Variants in SH3PXD2A observed in about 807,000 individuals in gnomAD.
SH3PXD2A encodes SH3 and PX domain-containing protein 2A.
In SH3PXD2A, 32 loss-of-function variants were observed where a neutral mutation model predicts 115.2. That is an observed-to-expected ratio of 0.28 (90% CI 0.21 to 0.37). The LOEUF is 0.37. Among genes scored for constraint, SH3PXD2A ranks in the 10% least tolerant of loss-of-function variants. The pLI is 1.00. For synonymous variants in SH3PXD2A, 610 were observed against 629.1 expected (o/e 0.97, Z 0.45); for missense variants, 1,328 against 1,498.7 (o/e 0.89, Z 1.88).
chr10:103,828,406 G>C (rs970987966), intron 1 of SH3PXD2A, among the ~76,000 whole-genome samples: 3 of 152,156 alleles, frequency 2.0e-5, no homozygotes, highest in Admixed American at 6.5e-5. Context: ...CTCAGAATTT[G>C]GTCAGCTTGG....
chr10:103,772,748 C>T (rs955775591), intron 2 of SH3PXD2A, among the ~76,000 whole-genome samples: 4 of 152,184 alleles, frequency 2.6e-5, no homozygotes, highest in African/African-American at 7.2e-5. Context: ...AGCTGGGGCA[C>T]ATCTGTAACC....
chr10:103,628,950 G>A (rs572410424), intron 8 of SH3PXD2A, among the ~76,000 whole-genome samples: 3 of 152,202 alleles, frequency 2.0e-5, no homozygotes, highest in Non-Finnish European at 4.4e-5. Flanking sequence ...TCATAAACAC[G>A]TACATAGGTG....
At chr10:103,617,113 A>C in intron 11 of SH3PXD2A, 84 bp downstream of exon 11, 1 of 874,488 alleles carries the variant, frequency 1.1e-6, no homozygotes, top group Non-Finnish European at 1.9e-6. Flanking sequence ...TCTACCTGCC[A>C]TCAGGTGGCC....
chr10:103,691,681 T>G (rs1358021108), intron 6 of SH3PXD2A, among the ~76,000 whole-genome samples: 1 of 152,040 alleles, frequency 6.6e-6, no homozygotes, highest in East Asian at 1.9e-4. Context: ...CAGCTAGACA[T>G]GTCCCAAACT....
At chr10:103,822,668 A>G (rs1033059984) in intron 1 of SH3PXD2A, among the ~76,000 whole-genome samples, 1 of 152,246 alleles carries the variant, frequency 6.6e-6, no homozygotes. Flanking sequence ...CACAGCCTCA[A>G]AGGAAACTGA....
At chr10:103,628,544 C>T (rs987006876) in intron 8 of SH3PXD2A, among the ~76,000 whole-genome samples, 1 of 152,104 alleles carries the variant, frequency 6.6e-6, no homozygotes. Flanking sequence ...GCTCAAGCAC[C>T]ATGATCCAGG....
intron 1 of SH3PXD2A, among the ~76,000 whole-genome samples, chr10:103,846,395 G>A (rs1307516605): frequency 3.3e-5 from 5 of 152,178 alleles, no homozygotes; most frequent in Non-Finnish European, 7.3e-5. Flanking sequence ...CCGTTTTCTA[G>A]AAGAGATCTT....
chr10:103,725,705 A>G (rs2134173742), intron 4 of SH3PXD2A, among the ~76,000 whole-genome samples: 1 of 152,214 alleles, frequency 6.6e-6, no homozygotes, highest in South Asian at 2.1e-4. Context: ...GGGCGCCTGT[A>G]ATGCCAGCTA....
At chr10:103,680,578 ACT>A (rs1316732516) in intron 6 of SH3PXD2A, among the ~76,000 whole-genome samples, 6 of 152,090 alleles carry the variant, frequency 3.9e-5, no homozygotes, top group African/African-American at 1.2e-4. Flanking sequence ...CACCCAGCAA[ACT>A]CTGTTTCTGA....
intron 5 of SH3PXD2A, among the ~76,000 whole-genome samples, chr10:103,695,897 G>T (rs1272711436): frequency 6.6e-6 from 1 of 152,220 alleles, no homozygotes; most frequent in African/African-American, 2.4e-5. Flanking sequence ...CCCTGCAGGG[G>T]GTGTGGGCTC....
intron 4 of SH3PXD2A, among the ~76,000 whole-genome samples, chr10:103,732,640 G>C (rs2038334749): frequency 6.6e-6 from 1 of 152,202 alleles, no homozygotes; most frequent in African/African-American, 2.4e-5. Flanking sequence ...GCAGGGAGCC[G>C]GCTGCTCTGT....
At chr10:103,685,526 G>A (rs547386957) in intron 6 of SH3PXD2A, among the ~76,000 whole-genome samples, 2 of 152,102 alleles carry the variant, frequency 1.3e-5, no homozygotes, top group East Asian at 1.9e-4. Flanking sequence ...GAGTCACTCC[G>A]GAGAAAGGGC....
chr10:103,687,570 G>A (rs371724460), intron 6 of SH3PXD2A, among the ~76,000 whole-genome samples: 1 of 152,052 alleles, frequency 6.6e-6, no homozygotes, highest in Non-Finnish European at 1.5e-5. Flanking sequence ...CTCCACTGCT[G>A]CCAGAGCCCA....
At position 103,661,119 on chromosome 10, in the gene SH3PXD2A, C is replaced by A. The variant is rs775763141; in HGVS notation, c.473-5G>T. The stretch of plus-strand genomic sequence containing the variant: ...GCTCGGCGGTGGCGTCGGCACCTGG[C>A]GAGGGCAGAAAGCACGCGGTGAGCC... On this transcript the variant is annotated splice_region_variant and splice_polypyrimidine_tract_variant and intron_variant, in intron 7 of 14. Transcript: ENST00000369774. 9.3e-6 allele frequency: 15 copies of A among 1,612,018 alleles called. No homozygotes were observed. Among genetic ancestry groups the A allele is most frequent in the South Asian group, 4.4e-5 (4 of 91,022 alleles).
At chr10:103,719,173 C>T (rs778628958) in intron 5 of SH3PXD2A, among the ~76,000 whole-genome samples, 1 of 152,238 alleles carries the variant, frequency 6.6e-6, no homozygotes, top group African/African-American at 2.4e-5. Flanking sequence ...AACAGACTGA[C>T]ACACACCATC....
chr10:103,673,634 G>C (rs985885837), intron 6 of SH3PXD2A: 3 of 152,192 alleles, frequency 2.0e-5, no homozygotes, highest in African/African-American at 4.8e-5. Context: ...TTTTAACCTT[G>C]AGTAACTCCA....
chr10:103,807,995 A>C (rs2039224327), intron 1 of SH3PXD2A, among the ~76,000 whole-genome samples: 1 of 152,066 alleles, frequency 6.6e-6, no homozygotes, highest in Non-Finnish European at 1.5e-5. Flanking sequence ...ATAGGCTCTA[A>C]CCTTCTGTTC....
intron 1 of SH3PXD2A, among the ~76,000 whole-genome samples, chr10:103,840,187 G>A (rs2039583697): frequency 6.6e-6 from 1 of 152,136 alleles, no homozygotes; most frequent in African/African-American, 2.4e-5. Context: ...GGCAGGGCGG[G>A]GAGGTTGCCC....
At chr10:103,717,337 G>A (rs1229974395) in intron 5 of SH3PXD2A, among the ~76,000 whole-genome samples, 3 of 152,210 alleles carry the variant, frequency 2.0e-5, no homozygotes, top group Non-Finnish European at 2.9e-5. Context: ...TTGGTGGGGA[G>A]AGATCCATAA....
Sources: allele counts gnomAD v4.1 joint callset (sites outside exome capture counted in the v4.1 genomes callset), GRCh38; gene constraint gnomAD v4.1.1; transcripts MANE v1.5; gene names NCBI Gene and HGNC (gene_info 2026-07-23, HGNC 2026-07-21).